Variants in ACSL1 observed in about 807,000 individuals in gnomAD.
ACSL1 encodes acyl-CoA synthetase long chain family member 1, also known as long-chain-fatty-acid--CoA ligase 1.
Under a neutral mutation model 98.4 loss-of-function variants are expected in ACSL1, and 41 were observed. The ratio of observed to expected loss-of-function variants is 0.42; its 90% CI spans 0.32 to 0.54. ACSL1 has a LOEUF of 0.54. Among genes scored for constraint, ACSL1 ranks in the 20% least tolerant of loss-of-function variants. The pLI, the probability that ACSL1 is intolerant of heterozygous loss-of-function variation, is 0.13. For synonymous variants in ACSL1, 316 were observed against 322.7 expected, an observed-to-expected ratio of 0.98 and a Z score of 0.22; for missense variants, 734 against 883.1, an observed-to-expected ratio of 0.83 and a Z score of 2.14.
intron 15 of ACSL1, among the ~76,000 whole-genome samples, chr4:184,764,016 A>T (rs957653057): frequency 6.6e-6 from 1 of 152,208 alleles, no homozygotes; most frequent in African/African-American, 2.4e-5. Context: ...CAGGACAATG[A>T]TGTTAGTGGA....
intron 3 of ACSL1, among the ~76,000 whole-genome samples, chr4:184,784,662 A>G (rs1358384891): frequency 6.6e-6 from 1 of 152,196 alleles, no homozygotes; most frequent in Non-Finnish European, 1.5e-5. Flanking sequence ...GCTTTAGCAT[A>G]TTAGGTCTGA....
chr4:184,758,314 G>T (rs10155154), intron 18 of ACSL1: 176,858 of 177,176 alleles, frequency 1, 88,271 homozygotes, highest in Non-Finnish European at 1. Flanking sequence ...ATCCTAGCAC[G>T]TTGGGAAGCC....
intron 15 of ACSL1, 85 bp from the exon 16 acceptor site, chr4:184,763,340 C>A: frequency 1.6e-6 from 2 of 1,253,528 alleles, no homozygotes; most frequent in Non-Finnish European, 1.1e-6. Flanking sequence ...AACAGGATTC[C>A]ACATAAGAAA....
intron 1 of ACSL1, among the ~76,000 whole-genome samples, chr4:184,811,190 G>T (rs996087510): frequency 2.6e-4 from 40 of 151,296 alleles, no homozygotes; most frequent in Non-Finnish European, 5.9e-5. Flanking sequence ...CTCACTGCAA[G>T]CTCCGCCTTC....
At chr4:184,808,531 T>G in intron 1 of ACSL1, 1 of 983,268 alleles carries the variant, frequency 1.0e-6, no homozygotes, top group Non-Finnish European at 1.2e-6. Context: ...GGCAAGATGC[T>G]GCCATTCCGT....
rs1235218599 is a variant in ACSL1, at chr4:184,766,118, A to G, written c.1264-132T>C. 10 of 761,508 alleles carry G rather than the reference A, an allele frequency of 1.3e-5. No individual in the cohort carries two copies. Among genetic ancestry groups the G allele is most frequent in the Non-Finnish European group, 2.2e-5 (10 of 462,532 alleles). 47.2% of individuals were successfully genotyped at this position (761,508 alleles called of 1,614,324 possible). On this transcript the variant is annotated intron_variant, in intron 13 of 20. Transcript: ENST00000281455. This position sits in a 1 kb window ranked among gnomAD's most constrained non-coding sequence, Gnocchi z 4.8. Reference sequence around the variant, plus strand: ...CAGACCACACGGAGGCCACACGGAGAACTCACAGCCCTCATGATGGCAGCA... The same window carrying G: ...CAGACCACACGGAGGCCACACGGAGGACTCACAGCCCTCATGATGGCAGCA...
chr4:184,766,547 C>T lies in ACSL1; in HGVS notation c.1263+75G>A. The T allele has an allele frequency of 6.5e-7, 1 of 1,546,630 alleles. No homozygotes were observed. ...CCCTTACCTTCATCTCTCCCTCTCA[C>T]AAAAAAGGCCCTCCCAGAACTCTGA... On this transcript the variant is annotated intron_variant, in intron 13 of 20. Transcript: ENST00000281455. This position sits in a 1 kb window ranked among gnomAD's most constrained non-coding sequence, Gnocchi z 4.8.
At position 184,757,368 on chromosome 4, in the gene ACSL1, C is replaced by G; in HGVS notation, c.1957-103G>C. Reference sequence around the variant, plus strand: ...GATCAACACTCTCCAGCCATCCAATCCATCCTCTCATTTCAGCCAAGCTGC... The same window carrying G: ...GATCAACACTCTCCAGCCATCCAATGCATCCTCTCATTTCAGCCAAGCTGC... On this transcript the variant is annotated intron_variant, in intron 20 of 20. Coordinates refer to ENST00000281455, the MANE Select transcript of ACSL1 (RefSeq NM_001995.5). The surrounding 1 kb of genome is among the most constrained non-coding windows in gnomAD (Gnocchi z 4.5). The G allele has an allele frequency of 7.1e-7, 1 of 1,405,152 alleles. No individual in the cohort carries two copies. Among genetic ancestry groups the G allele is most frequent in the East Asian group, 2.4e-5 (1 of 42,418 alleles). 87.0% of individuals were successfully genotyped at this position (1,405,152 alleles called of 1,614,324 possible). A position where few individuals can be genotyped will look rare whatever the true frequency, so the allele number is the denominator to read the frequency against.
At chr4:184,761,476 G>A (rs1225957562) in intron 17 of ACSL1, among the ~76,000 whole-genome samples, 1 of 152,140 alleles carries the variant, frequency 6.6e-6, no homozygotes, top group Non-Finnish European at 1.5e-5. Context: ...CTTCGAAACA[G>A]CAGATTACTG....
At position 184,757,793 on chromosome 4, in the gene ACSL1, A is replaced by T; in HGVS notation, c.1884+26T>A. 6.2e-7 allele frequency: 1 copy of T among 1,612,664 alleles called. No individual in the cohort carries two copies. The highest frequency in any genetic ancestry group is 1.1e-5 in the South Asian group (1 of 91,054). ...CATTTAATGCCAAGTTATGATGAGG[A>T]CAGACTGGACCCTTCAGAACCTTAC... On this transcript the variant is annotated intron_variant, in intron 19 of 20. Transcript: ENST00000281455. This position sits in a 1 kb window ranked among gnomAD's most constrained non-coding sequence, Gnocchi z 4.5.
chr4:184,802,784 C>G lies in ACSL1; in HGVS notation c.195+536G>C, dbSNP rs1770747802. Among the ~76,000 whole-genome samples the G allele has an allele frequency of 2.0e-5, 3 of 152,196 alleles. No individual in the cohort carries two copies. In the South Asian group the frequency reaches 6.2e-4, roughly 32 times the overall value. On this transcript the variant is annotated intron_variant, in intron 2 of 20. Coordinates refer to ENST00000281455, the MANE Select transcript of ACSL1 (RefSeq NM_001995.5). ...CTCAGCAGCCCAGCCAGACGCGCCT[C>G]TTGAGGGTTGTTTCTTCATGTCCTG...
chr4:184,788,499 G>C (rs148245408), intron 3 of ACSL1, 118 bp downstream of exon 3: 1 of 797,294 alleles, frequency 1.3e-6, no homozygotes, highest in Non-Finnish European at 2.1e-6. Context: ...TGGACACAGA[G>C]GGGCCTGAGC....
At chr4:184,777,364 G>A (rs980197808) in intron 5 of ACSL1, among the ~76,000 whole-genome samples, 2 of 152,020 alleles carry the variant, frequency 1.3e-5, no homozygotes, top group Non-Finnish European at 2.9e-5. Flanking sequence ...AGGCTGAGGC[G>A]GGAGGATTGC....
intron 1 of ACSL1, among the ~76,000 whole-genome samples, chr4:184,806,432 G>A (rs563561402): frequency 1.3e-4 from 20 of 152,038 alleles, no homozygotes; most frequent in Non-Finnish European, 2.6e-4. Flanking sequence ...TACTCACCCC[G>A]ACACACACTG....
At chr4:184,781,859 C>G (rs1384842916) in intron 4 of ACSL1, among the ~76,000 whole-genome samples, 1 of 152,230 alleles carries the variant, frequency 6.6e-6, no homozygotes, top group Non-Finnish European at 1.5e-5. Flanking sequence ...GATCTGCCCC[C>G]GTCGGCCTCC....
rs1180638319 is a variant in ACSL1, at chr4:184,755,664, A to C, written c.*1461T>G. ...TTTGGAAATTTTGTTTTGGTTTATA[A>C]AACATAGAAATAGCCAACACTTAAA... On this transcript the variant is annotated 3_prime_UTR_variant, in exon 21 of 21. Coordinates refer to ENST00000281455, the MANE Select transcript of ACSL1 (RefSeq NM_001995.5). 6.6e-6 allele frequency: 1 copy of C among 152,668 alleles called. No individual in the cohort carries two copies. The highest frequency in any genetic ancestry group is 1.5e-5 in the Non-Finnish European group (1 of 68,042). 9.5% of individuals were successfully genotyped at this position (152,668 alleles called of 1,614,324 possible).
intron 4 of ACSL1, among the ~76,000 whole-genome samples, chr4:184,781,849 G>A (rs1404593718): frequency 6.6e-6 from 1 of 152,234 alleles, no homozygotes; most frequent in Non-Finnish European, 1.5e-5. Context: ...GACCTCAGGT[G>A]ATCTGCCCCC....
chr4:184,785,701 T>C lies in ACSL1; in HGVS notation c.311-1710A>G, dbSNP rs1767168024. On this transcript the variant is annotated intron_variant, in intron 3 of 20. Transcript: ENST00000281455. ...AAGACTGGACATACTTTCCTTCACC[T>C]TCTCTGACACATCCATAAAAGGACT... Among the ~76,000 whole-genome samples the C allele has an allele frequency of 2.0e-5, 3 of 148,716 alleles. No homozygotes were observed. The South Asian group carries it at 6.5e-4, about 32-fold the overall frequency.
intron 2 of ACSL1, among the ~76,000 whole-genome samples, chr4:184,794,748 C>T (rs535199253): frequency 1.3e-5 from 2 of 152,316 alleles, no homozygotes; most frequent in South Asian, 4.1e-4. Context: ...AACATGCCCA[C>T]ACCTCCTTCG....
Sources: gnomAD v4.1 joint callset for allele counts (sites outside exome capture counted in the v4.1 genomes callset) on GRCh38, gnomAD v4.1.1 for gene constraint, Gnocchi (gnomAD v3.1) non-coding constraint, MANE v1.5 for transcripts, NCBI Gene and HGNC (gene_info 2026-07-23, HGNC 2026-07-21) for gene names.